USP25: variants seen among roughly 807,000 people sequenced by gnomAD.
USP25 encodes ubiquitin specific peptidase 25.
A neutral mutation model predicts 158.5 loss-of-function variants in USP25; 85 were observed. The ratio of observed to expected loss-of-function variants is 0.54; its 90% CI spans 0.45 to 0.64. The LOEUF (loss-of-function observed/expected upper bound fraction) is 0.64, where lower values mean the gene tolerates loss of function less well. USP25 is among the 30% of genes least tolerant of loss of function. The pLI is 0.00. For synonymous variants in USP25, 464 were observed against 460.4 expected, an observed-to-expected ratio of 1.01 and a Z score of -0.10; for missense variants, 1,242 against 1,327.3, an observed-to-expected ratio of 0.94 and a Z score of 1.00.
intron 9 of USP25, 139 bp downstream of exon 9, chr21:15,811,349 C>T (rs1002983159): frequency 1.6e-5 from 11 of 707,732 alleles, no homozygotes; most frequent in Non-Finnish European, 2.5e-5. Flanking sequence ...TGGATTGCTA[C>T]TGTTATTCAC....
chr21:15,868,365 C>T (rs919563161), intron 22 of USP25, among the ~76,000 whole-genome samples: 1 of 152,150 alleles, frequency 6.6e-6, no homozygotes, highest in Non-Finnish European at 1.5e-5. Context: ...CAAATCTGTG[C>T]CCTCCACATT....
At chr21:15,825,424 C>G (rs1247743105) in intron 12 of USP25, among the ~76,000 whole-genome samples, 2 of 152,148 alleles carry the variant, frequency 1.3e-5, no homozygotes, top group Non-Finnish European at 2.9e-5. Context: ...ACAAACTCAG[C>G]TGCCTACCAA....
intron 8 of USP25, 144 bp downstream of exon 8, chr21:15,809,029 G>T: frequency 1.7e-6 from 1 of 602,264 alleles, no homozygotes. Context: ...TTTAGAATTT[G>T]CAGGCACAAA....
chr21:15,829,619 C>T (rs1456038848), intron 14 of USP25, among the ~76,000 whole-genome samples: 3 of 152,038 alleles, frequency 2.0e-5, no homozygotes, highest in African/African-American at 7.3e-5. Context: ...GACATTTGCC[C>T]ATTTTTTAAG....
intron 1 of USP25, among the ~76,000 whole-genome samples, chr21:15,744,548 A>C (rs930773751): frequency 1.3e-5 from 2 of 150,192 alleles, no homozygotes; most frequent in African/African-American, 4.9e-5. Context: ...TCCTGACCTC[A>C]AGTGATCTTC....
In USP25 at chr21:15,875,052, G is replaced by A. The variant is rs151135952; in HGVS notation, c.3009+526G>A. Among the ~76,000 whole-genome samples the A allele has an allele frequency of 1.9e-4, 29 of 152,174 alleles. No individual in the cohort carries two copies. The East Asian group carries it at 5.4e-3, about 28-fold the overall frequency. ...CTGGATATGGTGGTGTGCGCCTGTA[G>A]TCTCAACTACTCAGGAGGCTGAGGC... On this transcript the variant is annotated intron_variant, in intron 24 of 25. Coordinates refer to ENST00000400183, the MANE Select transcript of USP25 (RefSeq NM_001283041.3). The surrounding 1 kb of genome is among the most constrained non-coding windows in gnomAD (Gnocchi z 4.7).
chr21:15,753,232 C>G (rs902287466), intron 1 of USP25, among the ~76,000 whole-genome samples: 1 of 152,120 alleles, frequency 6.6e-6, no homozygotes, highest in Non-Finnish European at 1.5e-5. Flanking sequence ...TAGTTCCCCC[C>G]CAGGGTGCTG....
intron 22 of USP25, among the ~76,000 whole-genome samples, chr21:15,866,568 ATTTTTGGT>A (rs1396857716): frequency 2.0e-5 from 3 of 152,244 alleles, no homozygotes; most frequent in African/African-American, 7.2e-5. Context: ...AAAAAGGAAG[ATTTTTGGT>A]TTTTTATTTC....
At chr21:15,848,531 T>C (rs902500113) in intron 19 of USP25, among the ~76,000 whole-genome samples, 1 of 130,010 alleles carries the variant, frequency 7.7e-6, no homozygotes, top group Non-Finnish European at 1.8e-5. Flanking sequence ...GAGGAGGCCG[T>C]AACTATTGGG....
intron 3 of USP25, among the ~76,000 whole-genome samples, chr21:15,777,689 A>C (rs2034736732): frequency 6.6e-6 from 1 of 152,290 alleles, no homozygotes; most frequent in East Asian, 1.9e-4. Context: ...ATTTCTGCTT[A>C]CTGCTTTAGG....
chr21:15,730,976 G>GTTTTTTTTTTTTTTTTTTTT (rs748732727), intron 1 of USP25, among the ~76,000 whole-genome samples: 1 of 53,646 alleles, frequency 1.9e-5, no homozygotes, highest in African/African-American at 6.9e-5. Flanking sequence ...CTTCTTTTCT[G>GTTTTTTTTTTTTTTTTTTTT]TTTTTTTTTT....
chr21:15,849,801 G>A lies in USP25; in HGVS notation c.2476G>A (p.Gly826Ser), dbSNP rs575601241. 3 of 1,540,622 alleles carry A rather than the reference G, an allele frequency of 1.9e-6. No individual in the cohort carries two copies. Among genetic ancestry groups the A allele is most frequent in the East Asian group, 4.9e-5 (2 of 40,604 alleles). ...DEIMMTPNMQ[G>S]IIMAIGKSRS... ...GATCATGATGACACCGAACATGCAA[G>A]GTATTATCATGGCGATAGGTAAATC... The change falls in exon 20 of 26, where the codon GGT becomes AGT. Residue 826 changes from glycine to serine, a missense_variant. Physicochemically the swap from Gly to Ser is moderately conservative, Grantham distance 56 (BLOSUM62 0). This residue lies in a region of USP25 where 608 missense variants were observed against 605.2 expected (regional missense o/e 1.00). Transcript: ENST00000400183.
At chr21:15,767,185 C>T (rs543590905) in intron 3 of USP25, among the ~76,000 whole-genome samples, 15 of 152,180 alleles carry the variant, frequency 9.9e-5, no homozygotes, top group Admixed American at 2.6e-4. Context: ...CCACTGTTTT[C>T]CTCCTGTCAT....
In USP25 at chr21:15,730,086, G is replaced by T. The variant is rs1023827780; in HGVS notation, c.-308G>T. ...ACGCGTGACGCCGCCCGACTGGCTC[G>T]CGCTCTCCCGTGCCCCGGCGTCCTC... is the stretch of plus-strand genomic sequence containing the variant. On this transcript the variant is annotated 5_prime_UTR_variant, in exon 1 of 26. Transcript: ENST00000400183. 1 of 151,574 alleles carries T rather than the reference G, an allele frequency of 6.6e-6. No individual in the cohort carries two copies. The highest frequency in any genetic ancestry group is 1.5e-5 in the Non-Finnish European group (1 of 67,964). The allele number at this position is 151,574 out of a possible 1,614,324, so 9.4% of individuals were successfully genotyped here. A position where few individuals can be genotyped will look rare whatever the true frequency, so the allele number is the denominator to read the frequency against.
intron 20 of USP25, among the ~76,000 whole-genome samples, chr21:15,860,662 G>A (rs1347479899): frequency 6.6e-6 from 1 of 151,984 alleles, no homozygotes; most frequent in Non-Finnish European, 1.5e-5. Context: ...CAGTCCTCTG[G>A]AATTTGAAGT....
intron 7 of USP25, chr21:15,805,681 A>G (rs954319409): frequency 2.6e-5 from 4 of 152,390 alleles, no homozygotes; most frequent in African/African-American, 7.2e-5. Flanking sequence ...TATATAGTGT[A>G]TTGTGGTAGA....
intron 1 of USP25, among the ~76,000 whole-genome samples, chr21:15,743,838 GGAATTT>G (rs2032288092): frequency 6.6e-6 from 1 of 152,138 alleles, no homozygotes; most frequent in Non-Finnish European, 1.5e-5. Context: ...TGCCTGCCTG[GGAATTT>G]GTCTACTGTG....
intron 2 of USP25, among the ~76,000 whole-genome samples, chr21:15,763,687 C>G (rs2033870310): frequency 6.6e-6 from 1 of 152,088 alleles, no homozygotes; most frequent in Admixed American, 6.5e-5. Context: ...ATACACAGCT[C>G]CAATCCTTTG....
chr21:15,759,993 C>T (rs1362736200), intron 1 of USP25, among the ~76,000 whole-genome samples: 1 of 152,174 alleles, frequency 6.6e-6, no homozygotes, highest in African/African-American at 2.4e-5. Flanking sequence ...TTTTAGGTAG[C>T]TTGGTTATCT....
Sources: gnomAD v4.1 joint callset for allele counts (sites outside exome capture counted in the v4.1 genomes callset) on GRCh38, gnomAD v4.1.1 for gene constraint, gnomAD v4.1.1 regional missense constraint, Gnocchi (gnomAD v3.1) non-coding constraint, MANE v1.5 for transcripts, NCBI Gene and HGNC (gene_info 2026-07-23, HGNC 2026-07-21) for gene names.